Variants in PCDH7 observed in about 807,000 individuals in gnomAD.
PCDH7 encodes the protein protocadherin-7.
PCDH7 carries 17 observed loss-of-function variants against 58.9 expected under a neutral mutation model. The observed-to-expected ratio is 0.29, with a 90% CI of 0.20 to 0.43. The LOEUF (loss-of-function observed/expected upper bound fraction) is 0.43. PCDH7 is among the 20% of genes least tolerant of loss of function. The probability of loss-of-function intolerance (pLI) is 1.00; values close to 1 mark genes in which losing one functional copy is unlikely to be tolerated. For missense variants in PCDH7, 1,274 were observed against 1,441.0 expected (o/e 0.88, Z 1.88); for synonymous variants, 664 against 616.4 (o/e 1.08, Z -1.14).
At chr4:31,011,778 G>C (rs1291125563) in intron 3 of PCDH7, among the ~76,000 whole-genome samples, 5 of 151,646 alleles carry the variant, frequency 3.3e-5, no homozygotes, top group Non-Finnish European at 7.4e-5. Context: ...TAATGTTTGG[G>C]GCTATACTAA....
chr4:30,889,893 G>C (rs1262864245), intron 1 of PCDH7, among the ~76,000 whole-genome samples: 1 of 152,130 alleles, frequency 6.6e-6, no homozygotes, highest in Non-Finnish European at 1.5e-5. Context: ...ATCATACTGG[G>C]CATTGCAGAG....
intron 3 of PCDH7, among the ~76,000 whole-genome samples, chr4:31,125,846 A>T (rs1464801159): frequency 1.3e-5 from 2 of 152,206 alleles, no homozygotes; most frequent in South Asian, 2.1e-4. Flanking sequence ...TAACTTAATG[A>T]TATTTTCAAT....
intron 3 of PCDH7, among the ~76,000 whole-genome samples, chr4:31,047,094 T>G (rs1438815572): frequency 6.6e-6 from 1 of 151,796 alleles, no homozygotes; most frequent in Admixed American, 6.6e-5. Context: ...TTTTTGTTTG[T>G]TTTTTTTAAA....
intron 1 of PCDH7, among the ~76,000 whole-genome samples, chr4:30,792,357 T>A (rs75675503): frequency 0.036 from 5,434 of 151,034 alleles, 321 homozygotes; most frequent in African/African-American, 0.13. Context: ...AAAGTTATAT[T>A]TTGACTTCAT....
At chr4:30,897,429 T>A (rs547867753) in intron 1 of PCDH7, among the ~76,000 whole-genome samples, 1 of 152,146 alleles carries the variant, frequency 6.6e-6, no homozygotes, top group Admixed American at 6.5e-5. Flanking sequence ...TTTGTGGAAG[T>A]TTTTTTTAAG....
intron 1 of PCDH7, chr4:30,725,218 TATA>T (rs2109230490): frequency 1.0e-6 from 1 of 991,626 alleles, no homozygotes; most frequent in African/African-American, 1.7e-5. Flanking sequence ...CTTTTATATC[TATA>T]ATAATCGATA....
In PCDH7 at chr4:30,723,348, C is replaced by T; in HGVS notation, c.1926C>T (p.Asp642=). ...ACAATGACCCTAAGTTTATGCAGGA[C>T]GTCTTCACCTTTTATGTGAAAGAAA... Residue 642 remains aspartate (D), a synonymous_variant, in exon 1 of 2, where the codon GAC becomes GAT. Transcript: ENST00000361762. The surrounding 1 kb of genome is among the most constrained non-coding windows in gnomAD (Gnocchi z 4.6). 6.2e-7 allele frequency: 1 copy of T among 1,614,218 alleles called. No homozygotes were observed. The highest frequency in any genetic ancestry group is 8.5e-7 in the Non-Finnish European group (1 of 1,180,040).
chr4:31,009,035 T>C (rs376682741), intron 3 of PCDH7, among the ~76,000 whole-genome samples: 2 of 152,062 alleles, frequency 1.3e-5, no homozygotes, highest in Non-Finnish European at 1.5e-5. Context: ...GCTTTCATAA[T>C]CAGGATAAAG....
At chr4:30,931,653 C>A (rs961924181) in intron 2 of PCDH7, among the ~76,000 whole-genome samples, 1 of 151,714 alleles carries the variant, frequency 6.6e-6, no homozygotes, top group African/African-American at 2.4e-5. Context: ...AGAATTGAGA[C>A]AACTCAGAAA....
At chr4:31,132,569 T>C (rs1303442569) in intron 3 of PCDH7, among the ~76,000 whole-genome samples, 2 of 152,174 alleles carry the variant, frequency 1.3e-5, no homozygotes, top group African/African-American at 4.8e-5. Context: ...CTAGTTATGA[T>C]GTAAAATTTG....
chr4:30,988,362 A>T (rs1428938079), intron 3 of PCDH7, among the ~76,000 whole-genome samples: 3 of 152,232 alleles, frequency 2.0e-5, no homozygotes, highest in Admixed American at 6.5e-5. Flanking sequence ...ATAGATGGGT[A>T]GACAGAATAG....
chr4:30,894,788 G>A (rs1006863766), intron 1 of PCDH7, among the ~76,000 whole-genome samples: 36 of 150,202 alleles, frequency 2.4e-4, no homozygotes, highest in Non-Finnish European at 4.4e-4. Flanking sequence ...CTGATTTTAC[G>A]TTGTGGCTTT....
intron 1 of PCDH7, among the ~76,000 whole-genome samples, chr4:30,884,192 G>T (rs928227766): frequency 6.6e-5 from 10 of 152,056 alleles, no homozygotes; most frequent in African/African-American, 2.4e-4. Flanking sequence ...GCCAAACACT[G>T]TACACACCAT....
downstream of PCDH7, chr4:31,146,378 TAAA>T (rs1720672487): frequency 7.6e-6 from 1 of 131,342 alleles, no homozygotes; most frequent in African/African-American, 3.0e-5. Context: ...AATAAATAAA[TAAA>T]TAATAAAAAG....
chr4:30,748,540 T>A (rs1232433016), intron 1 of PCDH7, among the ~76,000 whole-genome samples: 4 of 152,176 alleles, frequency 2.6e-5, no homozygotes, highest in Non-Finnish European at 5.9e-5. Flanking sequence ...ACTCCTGAGA[T>A]AACTAATCCA....
intron 1 of PCDH7, among the ~76,000 whole-genome samples, chr4:30,748,582 T>C (rs946082008): frequency 3.9e-5 from 6 of 152,216 alleles, no homozygotes; most frequent in African/African-American, 1.2e-4. Flanking sequence ...CTTTGTGAGA[T>C]GAATATCCTT....
At chr4:31,036,746 A>G (rs2109196501) in intron 3 of PCDH7, among the ~76,000 whole-genome samples, 1 of 152,260 alleles carries the variant, frequency 6.6e-6, no homozygotes, top group Non-Finnish European at 1.5e-5. Flanking sequence ...CCATACCTGT[A>G]TTAGTTCATT....
intron 3 of PCDH7, among the ~76,000 whole-genome samples, chr4:31,007,485 A>G (rs1752861748): frequency 6.6e-6 from 1 of 152,160 alleles, no homozygotes; most frequent in Non-Finnish European, 1.5e-5. Flanking sequence ...TACATTATAC[A>G]ATTTTAGTAT....
intron 3 of PCDH7, among the ~76,000 whole-genome samples, chr4:30,974,586 T>G (rs10027212): frequency 0.41 from 62,753 of 151,958 alleles, 15,815 homozygotes; most frequent in African/African-American, 0.72. Flanking sequence ...TAAGTAAAAA[T>G]ATTAATCTTC....
Sources: gnomAD v4.1 joint callset for allele counts (sites outside exome capture counted in the v4.1 genomes callset) on GRCh38, gnomAD v4.1.1 for gene constraint, Gnocchi (gnomAD v3.1) non-coding constraint, MANE v1.5 for transcripts, NCBI Gene and HGNC (gene_info 2026-07-23, HGNC 2026-07-21) for gene names.